MACROD2: variants seen among roughly 807,000 people sequenced by gnomAD.
The protein encoded by MACROD2 is mono-ADP ribosylhydrolase 2, also known as ADP-ribose glycohydrolase MACROD2.
MACROD2 carries 36 observed loss-of-function variants against 70.4 expected under a neutral mutation model. The ratio of observed to expected loss-of-function variants is 0.51; its 90% CI spans 0.39 to 0.68. The LOEUF (loss-of-function observed/expected upper bound fraction) is 0.68, where lower values mean the gene tolerates loss of function less well. Ranked by LOEUF, MACROD2 falls within the 30% of genes least tolerant of loss-of-function variation. The probability of loss-of-function intolerance (pLI) is 0.00; values close to 1 mark genes in which losing one functional copy is unlikely to be tolerated. For synonymous variants in MACROD2, 172 were observed against 178.8 expected, an observed-to-expected ratio of 0.96 and a Z score of 0.30; for missense variants, 496 against 538.4, an observed-to-expected ratio of 0.92 and a Z score of 0.78.
chr20:14,478,494 G>A (rs1158485887), intron 3 of MACROD2, among the ~76,000 whole-genome samples: 2 of 152,140 alleles, frequency 1.3e-5, no homozygotes, highest in South Asian at 2.1e-4. Context: ...GTTTTCAGAA[G>A]TTTAATTATA....
intron 4 of MACROD2, among the ~76,000 whole-genome samples, chr20:14,659,189 G>A (rs1186038001): frequency 1.3e-5 from 2 of 152,154 alleles, no homozygotes; most frequent in Non-Finnish European, 2.9e-5. Context: ...CACATATCAA[G>A]AGAAGTTATC....
intron 5 of MACROD2, among the ~76,000 whole-genome samples, chr20:14,923,955 G>A (rs1428754698): frequency 2.6e-5 from 4 of 152,188 alleles, no homozygotes; most frequent in South Asian, 2.1e-4. Flanking sequence ...TTAATTTTCC[G>A]TTTACGAGCA....
chr20:16,004,632 C>G (rs1010609584), intron 15 of MACROD2, among the ~76,000 whole-genome samples: 2 of 152,244 alleles, frequency 1.3e-5, no homozygotes, highest in Non-Finnish European at 1.5e-5. Context: ...CTGCCTTTAT[C>G]TCGGCTGTTT....
At chr20:15,366,796 A>G (rs1008335024) in intron 6 of MACROD2, among the ~76,000 whole-genome samples, 5 of 151,300 alleles carry the variant, frequency 3.3e-5, no homozygotes, top group Non-Finnish European at 7.4e-5. Flanking sequence ...CCTGGGTTCA[A>G]ACAATCCTCC....
intron 6 of MACROD2, among the ~76,000 whole-genome samples, chr20:15,247,626 G>A (rs558364933): frequency 3.3e-5 from 5 of 152,156 alleles, no homozygotes; most frequent in Admixed American, 1.3e-4. Context: ...TGGAAGCTTC[G>A]TGTGGTTCAT....
intron 3 of MACROD2, among the ~76,000 whole-genome samples, chr20:14,239,547 C>G (rs2081910849): frequency 1.3e-5 from 2 of 152,000 alleles, no homozygotes; most frequent in African/African-American, 4.8e-5. Context: ...AATAGAGAGA[C>G]CTGAAATAAT....
chr20:15,800,715 A>G (rs1185990063), intron 8 of MACROD2, among the ~76,000 whole-genome samples: 2 of 152,158 alleles, frequency 1.3e-5, no homozygotes, highest in African/African-American at 2.4e-5. Context: ...AGAACAGGCC[A>G]TGATGACAAT....
At chr20:14,534,293 C>T (rs955873324) in intron 4 of MACROD2, among the ~76,000 whole-genome samples, 2 of 152,090 alleles carry the variant, frequency 1.3e-5, no homozygotes, top group African/African-American at 4.8e-5. Context: ...AACTGGGTCA[C>T]TTTTCTGGGT....
At chr20:14,151,562 T>C (rs2055021281) in intron 3 of MACROD2, among the ~76,000 whole-genome samples, 1 of 152,186 alleles carries the variant, frequency 6.6e-6, no homozygotes, top group Non-Finnish European at 1.5e-5. Flanking sequence ...CTCAGCCGCT[T>C]ACTGTAAAGA....
chr20:15,813,640 A>C, intron 8 of MACROD2, among the ~76,000 whole-genome samples: 1 of 152,224 alleles, frequency 6.6e-6, no homozygotes, highest in East Asian at 1.9e-4. Context: ...TTAGCCAGGC[A>C]TGGTGGCACA....
chr20:15,276,413 AAT>A (rs67604766), intron 6 of MACROD2, among the ~76,000 whole-genome samples: 34,266 of 125,322 alleles, frequency 0.27, 5,156 homozygotes, highest in Middle Eastern at 0.31. Context: ...AAAATAAAAA[AAT>A]AAAAAAATCT....
At chr20:14,161,244 GTGGC>G (rs2055183698) in intron 3 of MACROD2, among the ~76,000 whole-genome samples, 2 of 147,244 alleles carry the variant, frequency 1.4e-5, no homozygotes, top group African/African-American at 5.1e-5. Context: ...CTGGAGTGCA[GTGGC>G]ATGATCTCGG....
chr20:14,819,621 A>G (rs1350676910), intron 5 of MACROD2, among the ~76,000 whole-genome samples: 1 of 151,882 alleles, frequency 6.6e-6, no homozygotes, highest in African/African-American at 2.4e-5. Context: ...TGGGAAATTC[A>G]GTTGATAAGA....
intron 2 of MACROD2, among the ~76,000 whole-genome samples, chr20:14,062,520 G>C (rs1428460091): frequency 6.6e-6 from 1 of 152,120 alleles, no homozygotes; most frequent in South Asian, 2.1e-4. Flanking sequence ...ATTCCAGTTA[G>C]AACAATATTT....
chr20:15,226,416 ATTATC>A (rs2145974976), intron 5 of MACROD2, among the ~76,000 whole-genome samples: 1 of 152,262 alleles, frequency 6.6e-6, no homozygotes, highest in African/African-American at 2.4e-5. Flanking sequence ...TTCTATTTAC[ATTATC>A]TTATTTATAC....
chr20:14,187,094 G>A lies in MACROD2; in HGVS notation c.271+101366G>A, dbSNP rs376609217. On this transcript the variant is annotated intron_variant, in intron 3 of 17. Transcript: ENST00000684519. The stretch of plus-strand genomic sequence containing the variant: ...TGTAACAAACCTGCGCGTGTACCCC[G>A]AACCTAAACTAAAAGTTGAGAAAGA... Among the ~76,000 whole-genome samples the A allele has an allele frequency of 4.3e-4, 58 of 134,606 alleles. No homozygotes were observed. In the East Asian group the frequency reaches 0.011, roughly 27 times the overall value. The allele number at this position is 134,606 out of a possible 152,430, so 88.3% of individuals were successfully genotyped here.
chr20:14,492,841 T>C (rs1004624920), intron 3 of MACROD2, among the ~76,000 whole-genome samples: 1 of 152,156 alleles, frequency 6.6e-6, no homozygotes, highest in African/African-American at 2.4e-5. Context: ...TCCTAAAAAT[T>C]TGACCTTGTG....
intron 5 of MACROD2, among the ~76,000 whole-genome samples, chr20:14,803,634 C>T (rs796212478): frequency 1.1e-4 from 16 of 151,984 alleles, no homozygotes; most frequent in African/African-American, 3.9e-4. Flanking sequence ...GTGTGCACCA[C>T]CACACCTGGC....
chr20:15,893,154 A>G (rs6131737), intron 10 of MACROD2: 23,221 of 399,692 alleles, frequency 0.058, 1,152 homozygotes, highest in East Asian at 0.2. Context: ...TCCCTTTCTA[A>G]TATGTTTGAA....
Sources: allele counts gnomAD v4.1 joint callset (sites outside exome capture counted in the v4.1 genomes callset), GRCh38; gene constraint gnomAD v4.1.1; transcripts MANE v1.5; gene names NCBI Gene and HGNC (gene_info 2026-07-23, HGNC 2026-07-21).